The following COX7A1 variants were observed in gnomAD, a reference collection of about 807,000 sequenced individuals.
COX7A1 encodes cytochrome c oxidase subunit 7A1, mitochondrial.
In COX7A1, 21 loss-of-function variants were observed where a neutral mutation model predicts 13.2. The ratio of observed to expected loss-of-function variants is 1.59; its 90% confidence interval spans 1.13 to 2.29. COX7A1 has a LOEUF of 2.29. Among genes scored for constraint, COX7A1 ranks in the 30% most tolerant of loss-of-function variants. COX7A1 has a pLI of 0.00. For missense variants in COX7A1, 107 were observed against 100.0 expected, an observed-to-expected ratio of 1.07 and a Z score of -0.30; for synonymous variants, 41 against 41.9, an observed-to-expected ratio of 0.98 and a Z score of 0.08.
At position 36,150,997 on chromosome 19, in the gene COX7A1, G is replaced by T. The variant is rs781548375; in HGVS notation, c.225C>A (p.Ser75=). Residue 75 remains serine, a synonymous_variant, in exon 4 of 4, where the codon TCC becomes TCA. Transcript: ENST00000292907. ...CTTCTTGGTCTTAATTCCTGGGGAA[G>T]GAGGCCCAGCCAAGGGAGTACAAGC... The part of the protein sequence containing the change: ...VYSLYSLGWA[S]FPRN 1 of 1,613,960 alleles carries T rather than the reference G, an allele frequency of 6.2e-7. No individual in the cohort carries two copies. The highest frequency in any genetic ancestry group is 1.3e-5 in the African/African-American group (1 of 74,892).
In COX7A1 at chr19:36,151,657, CCGA is replaced by C; in HGVS notation, c.102+9_102+11del. 4.2e-5 allele frequency: 62 copies of C among 1,473,854 alleles called. 2 individuals are homozygous for C. Among genetic ancestry groups the C allele is most frequent in the Non-Finnish European group, 5.4e-5 (59 of 1,097,608 alleles). The allele number at this position is 1,473,854 out of a possible 1,614,324, so 91.3% of individuals were successfully genotyped here. On this transcript the variant is annotated intron_variant, in intron 2 of 3. Transcript: ENST00000292907. ...CTGGCGCGTCGGATCCCCACCCCCC[CCGA>C]CCCCCCACCTGGAAGAGCTTCTGTT...
chr19:36,151,167 AGATT>A, intron 3 of COX7A1, 133 bp from the exon 4 acceptor site: 3 of 946,834 alleles, frequency 3.2e-6, no homozygotes, highest in Non-Finnish European at 4.8e-6. Flanking sequence ...CTCCCTTCCC[AGATT>A]GGACTCCTAT....
chr19:36,151,210 C>T (rs540739993), intron 3 of COX7A1, among the ~76,000 whole-genome samples, 176 bp from the exon 4 acceptor site: 1 of 152,092 alleles, frequency 6.6e-6, no homozygotes, highest in Non-Finnish European at 1.5e-5. Flanking sequence ...TGATCTAGAC[C>T]GGGCTGGGAG....
chr19:36,151,399 A>C, intron 3 of COX7A1, 63 bp downstream of exon 3: 1 of 1,578,084 alleles, frequency 6.3e-7, no homozygotes, highest in Non-Finnish European at 8.7e-7. Context: ...CCCAGAAACC[A>C]GCCACCTCTT....
Position 36,151,673 on chromosome 19 carries a change from A to T in COX7A1, c.98T>A (p.Phe33Tyr). 4.9e-6 allele frequency: 3 copies of T among 608,906 alleles called. No individual in the cohort carries two copies. Among genetic ancestry groups the T allele is most frequent in the Non-Finnish European group, 8.7e-6 (3 of 346,172 alleles). 37.7% of individuals were successfully genotyped at this position (608,906 alleles called of 1,614,324 possible). Residue 33 changes from phenylalanine to tyrosine, a missense_variant, in exon 2 of 4, where the codon TTC becomes TAC. Coordinates refer to ENST00000292907, the MANE Select transcript of COX7A1 (RefSeq NM_001864.4). ...CCACCCCCCCCGACCCCCCACCTGG[A>T]AGAGCTTCTGTTTCTCGCGCACTCG... ...QNRVREKQKL[F>Y]QEDNDIPLYL...
In COX7A1 at chr19:36,151,747, C is replaced by T; in HGVS notation, c.24G>A (p.Gln8=). The stretch of plus-strand genomic sequence containing the variant: ...TGGAGCTGAAGGAGCGGATCAGCGC[C>T]TGGGACACCTGCGGGGTGGGAGGTG... MQALRVS[Q]ALIRSFSSTA... The change falls in exon 2 of 4, where the codon CAG becomes CAA. Residue 8 remains glutamine, a synonymous_variant. Transcript: ENST00000292907. 1 of 1,602,888 alleles carries T rather than the reference C, an allele frequency of 6.2e-7. No individual in the cohort carries two copies. The highest frequency in any genetic ancestry group is 1.1e-5 in the South Asian group (1 of 89,266).
intron 1 of COX7A1, 47 bp downstream of exon 1, chr19:36,152,346 G>T: frequency 7.6e-7 from 1 of 1,307,554 alleles, no homozygotes; most frequent in Non-Finnish European, 9.8e-7. Context: ...GTATTAGGGC[G>T]GGGTTTTCTG....
At chr19:36,151,639 G>C in intron 2 of COX7A1, 30 bp downstream of exon 2, 2 of 1,594,244 alleles carry the variant, frequency 1.3e-6, no homozygotes, top group East Asian at 4.6e-5. Flanking sequence ...CGGCTGGCGC[G>C]TCGGATCCCC....
chr19:36,151,611 C>G, intron 2 of COX7A1, 58 bp downstream of exon 2: 3 of 1,610,486 alleles, frequency 1.9e-6, no homozygotes, highest in Non-Finnish European at 1.7e-6. Context: ...CCCCGCCTGC[C>G]CCGGCTCGGC....
intron 1 of COX7A1, 35 bp from the exon 2 acceptor site, chr19:36,151,790 C>T (rs1043677747): frequency 6.5e-7 from 1 of 1,549,074 alleles, no homozygotes; most frequent in Non-Finnish European, 8.8e-7. Flanking sequence ...ATTGGAGGCA[C>T]CTGGAGGGGT....
At position 36,151,552 on chromosome 19, in the gene COX7A1, T is replaced by C; in HGVS notation, c.103-6A>G. 6.2e-7 allele frequency: 1 copy of C among 1,614,148 alleles called. No individual in the cohort carries two copies. The highest frequency in any genetic ancestry group is 8.5e-7 in the Non-Finnish European group (1 of 1,179,998). ...AACGGGATGTCATTGTCCTCCTGGA[T>C]GTGGGGGTGTCTGATGAGAAAGGGG... is the stretch of plus-strand genomic sequence containing the variant. On this transcript the variant is annotated splice_region_variant and splice_polypyrimidine_tract_variant and intron_variant, in intron 2 of 3. Coordinates refer to ENST00000292907, the MANE Select transcript of COX7A1 (RefSeq NM_001864.4).
chr19:36,151,794 G>A, intron 1 of COX7A1, 39 bp from the exon 2 acceptor site: 1 of 1,537,546 alleles, frequency 6.5e-7, no homozygotes, highest in Non-Finnish European at 8.9e-7. Context: ...GAGGCACCTG[G>A]AGGGGTGTCC....
Position 36,151,461 on chromosome 19 carries a change from C to T in COX7A1, c.187+1G>A. 6.2e-7 allele frequency: 1 copy of T among 1,614,172 alleles called. No individual in the cohort carries two copies. The highest frequency in any genetic ancestry group is 8.5e-7 in the Non-Finnish European group (1 of 1,180,020). On this transcript the variant is annotated splice_donor_variant, in intron 3 of 3. Transcript: ENST00000292907. LOFTEE classifies it high-confidence loss of function. ...GCAGCCCAGACGGGCCCTGCGCTCACCGCCCAGACACAGCGTCATTGTCAC... is the reference window on the plus strand; with the variant it reads ...GCAGCCCAGACGGGCCCTGCGCTCATCGCCCAGACACAGCGTCATTGTCAC...
rs369479742 is a variant in COX7A1 at position 36,151,470 on chromosome 19, C to T, written c.179G>A (p.Cys60Tyr). ...NILYRVTMTL[C>Y]LGGTVYSLYS... Reference sequence around the variant, plus strand: ...ACGGGCCCTGCGCTCACCGCCCAGACACAGCGTCATTGTCACTCGGTACAG... The same window carrying T: ...ACGGGCCCTGCGCTCACCGCCCAGATACAGCGTCATTGTCACTCGGTACAG... The change falls in exon 3 of 4, where the codon TGT becomes TAT. Residue 60 changes from cysteine (C) to tyrosine (Y), a missense_variant. By Grantham distance (194) the Cys-to-Tyr change is radical. Coordinates refer to ENST00000292907, the MANE Select transcript of COX7A1 (RefSeq NM_001864.4). The T allele has an allele frequency of 7.4e-6, 12 of 1,614,094 alleles. No homozygotes were observed. Among genetic ancestry groups the T allele is most frequent in the Non-Finnish European group, 5.9e-6 (7 of 1,180,038 alleles).
In COX7A1 at chr19:36,151,094, G is replaced by C. The variant is rs151194621; in HGVS notation, c.188-60C>G. The stretch of plus-strand genomic sequence containing the variant: ...CTAATCCCCTCCCTGGACATCCCAG[G>C]CTTTTAAGGCCTTCAGGCTCCCTGG... On this transcript the variant is annotated intron_variant, in intron 3 of 3. Coordinates refer to ENST00000292907, the MANE Select transcript of COX7A1 (RefSeq NM_001864.4). 969 of 1,534,666 alleles carry C rather than the reference G, an allele frequency of 6.3e-4. 10 individuals are homozygous for C. The East Asian group carries it at 0.021, about 33-fold the overall frequency.
chr19:36,152,399 G>T lies in COX7A1; in HGVS notation c.9C>A (p.Ala3=). ...CAGCCCATGGGGGCCTCACCCGAAG[G>T]GCCTGCATTCTGCCTTGTCCTCTTC... MQ[A]LRVSQALIRS... is the part of the protein sequence containing the mutation. Residue 3 remains alanine (A), a synonymous_variant, in exon 1 of 4, where the codon GCC becomes GCA. Coordinates refer to ENST00000292907, the MANE Select transcript of COX7A1 (RefSeq NM_001864.4). 2 of 1,373,984 alleles carry T rather than the reference G, an allele frequency of 1.5e-6. No homozygotes were observed. The highest frequency in any genetic ancestry group is 2.7e-5 in the Admixed American group (1 of 36,504). The allele number at this position is 1,373,984 out of a possible 1,614,324, so 85.1% of individuals were successfully genotyped here.
At chr19:36,151,355 C>T (rs546090932) in intron 3 of COX7A1, 107 bp downstream of exon 3, 5 of 1,260,052 alleles carry the variant, frequency 4.0e-6, no homozygotes, top group East Asian at 4.7e-5. Flanking sequence ...CCTTCCTAAA[C>T]GCCAACCCCC....
In COX7A1 at chr19:36,151,729, G is replaced by T. The variant is rs769803673; in HGVS notation, c.42C>A (p.Phe14Leu). The change falls in exon 2 of 4, where the codon TTC becomes TTA. Residue 14 changes from phenylalanine (F) to leucine (L), a missense_variant. Phe to Leu is a conservative substitution (Grantham distance 22). Transcript: ENST00000292907. ...GAAAGCGGTTCCGGGCGGTGGAGCT[G>T]AAGGAGCGGATCAGCGCCTGGGACA... ...LRVSQALIRS[F>L]SSTARNRFQN... 2 of 1,606,246 alleles carry T rather than the reference G, an allele frequency of 1.2e-6. No homozygotes were observed. Among genetic ancestry groups the T allele is most frequent in the Admixed American group, 1.7e-5 (1 of 58,652 alleles).
chr19:36,151,645 T>TGCCCCCCCCCCCCG, intron 2 of COX7A1, 24 bp downstream of exon 2: 1 of 1,387,626 alleles, frequency 7.2e-7, no homozygotes, highest in Non-Finnish European at 9.9e-7. Flanking sequence ...GCGCGTCGGA[T>TGCCCCCCCCCCCCG]CCCCACCCCC....
Sources: gnomAD v4.1 joint callset for allele counts (sites outside exome capture counted in the v4.1 genomes callset) on GRCh38, gnomAD v4.1.1 for gene constraint, MANE v1.5 for transcripts, NCBI Gene and HGNC (gene_info 2026-07-23, HGNC 2026-07-21) for gene names.